The following SDHC variants were observed in gnomAD, a reference collection of about 807,000 sequenced individuals.
SDHC encodes succinate dehydrogenase complex subunit C, also known as succinate dehydrogenase cytochrome b560 subunit, mitochondrial.
A neutral mutation model predicts 22.6 loss-of-function variants in SDHC; 11 were observed. The observed-to-expected ratio is 0.49, with a 90% confidence interval of 0.31 to 0.81. SDHC has a LOEUF of 0.81. Among genes scored for constraint, SDHC ranks in the 30% least tolerant of loss-of-function variants. SDHC has a pLI of 0.05. For missense variants in SDHC, 160 were observed against 212.0 expected (o/e 0.75, Z 1.52); for synonymous variants, 80 against 77.8 (o/e 1.03, Z -0.15).
At chr1:161,351,057 G>C (rs1382689961) in intron 4 of SDHC, among the ~76,000 whole-genome samples, 1 of 152,184 alleles carries the variant, frequency 6.6e-6, no homozygotes, top group Non-Finnish European at 1.5e-5. Flanking sequence ...CCAAAGGAGA[G>C]AGGCATTGAA....
At chr1:161,328,200 C>T (rs1382081513) in intron 2 of SDHC, among the ~76,000 whole-genome samples, 196 bp from the exon 3 acceptor site, 1 of 152,072 alleles carries the variant, frequency 6.6e-6, no homozygotes, top group Non-Finnish European at 1.5e-5. Context: ...CGAGGTTTCT[C>T]CATGTTGGTC....
At position 161,362,565 on chromosome 1, in the gene SDHC, T is replaced by C. The variant is rs757026743; in HGVS notation, c.*132T>C. On this transcript the variant is annotated 3_prime_UTR_variant, in exon 6 of 6. Transcript: ENST00000367975. ...GATCCTTTTGTATTTTCAGATCTCC[T>C]TGGAGCAGTAGAGTACCTGGTAGAC... The C allele has an allele frequency of 5.0e-6, 8 of 1,608,358 alleles. No individual in the cohort carries two copies. The South Asian group carries it at 8.8e-5, about 18-fold the overall frequency.
chr1:161,319,758 GT>G lies in SDHC; in HGVS notation c.21-3852del, dbSNP rs761010029. Among the ~76,000 whole-genome samples the G allele has an allele frequency of 6.6e-4, 100 of 152,220 alleles. 1 individual carries two copies. Among genetic ancestry groups the G allele is most frequent in the Admixed American group, 2.2e-3 (34 of 15,286 alleles). On this transcript the variant is annotated intron_variant, in intron 1 of 5. Coordinates refer to ENST00000367975, the MANE Select transcript of SDHC (RefSeq NM_003001.5). ...TACCACGCCGGCCCTTAGGAATTGA[GT>G]TTTGAAGGATGAGTTTAACAGGCTC...
intron 4 of SDHC, among the ~76,000 whole-genome samples, chr1:161,353,185 T>C (rs752058353): frequency 2.2e-4 from 34 of 152,054 alleles, no homozygotes; most frequent in Admixed American, 5.9e-4. Context: ...CTCTCGTAGG[T>C]CATTTGAGAG....
intron 4 of SDHC, among the ~76,000 whole-genome samples, chr1:161,344,433 A>C (rs1464454437): frequency 2.6e-4 from 40 of 152,000 alleles, no homozygotes; most frequent in Admixed American, 2.6e-3. Flanking sequence ...CTCCAGCCTG[A>C]TGACAGCAAG....
chr1:161,328,570 C>A, intron 3 of SDHC, 73 bp downstream of exon 3: 2 of 1,051,182 alleles, frequency 1.9e-6, no homozygotes, highest in Non-Finnish European at 3.0e-6. Context: ...CTTTAGCCTA[C>A]TTGATACTTC....
At chr1:161,342,634 A>G (rs575590670) in intron 4 of SDHC, among the ~76,000 whole-genome samples, 1 of 151,728 alleles carries the variant, frequency 6.6e-6, no homozygotes, top group Non-Finnish European at 1.5e-5. Flanking sequence ...CTTCTGCCTC[A>G]ACCTCTCAAG....
chr1:161,335,835 A>G (rs74127632), intron 3 of SDHC, among the ~76,000 whole-genome samples: 14,753 of 152,152 alleles, frequency 0.097, 907 homozygotes, highest in East Asian at 0.21. Context: ...ATATATACAT[A>G]CATCTCTGTT....
At chr1:161,342,662 G>A (rs1008109107) in intron 4 of SDHC, among the ~76,000 whole-genome samples, 5 of 151,920 alleles carry the variant, frequency 3.3e-5, no homozygotes, top group South Asian at 2.1e-4. Context: ...GATTACAGGC[G>A]CCCACCACCA....
chr1:161,346,623 C>T (rs1671908770), intron 4 of SDHC, among the ~76,000 whole-genome samples: 1 of 152,110 alleles, frequency 6.6e-6, no homozygotes, highest in African/African-American at 2.4e-5. Flanking sequence ...GTCTCGAACT[C>T]CGGACCTCAG....
At chr1:161,327,808 C>A (rs1671116620) in intron 2 of SDHC, among the ~76,000 whole-genome samples, 1 of 152,034 alleles carries the variant, frequency 6.6e-6, no homozygotes, top group Non-Finnish European at 1.5e-5. Context: ...ATGATCCACC[C>A]ACCTCGATCT....
chr1:161,315,699 G>A lies in SDHC; in HGVS notation c.20+1274G>A, dbSNP rs1054525081. On this transcript the variant is annotated intron_variant, in intron 1 of 5. Coordinates refer to ENST00000367975, the MANE Select transcript of SDHC (RefSeq NM_003001.5). The stretch of plus-strand genomic sequence containing the variant: ...ACAGTATCATTTTGAGTTGTGCAGC[G>A]CTGTCCACTGAAGGGATGGGTCGCC... Among the ~76,000 whole-genome samples, 62 of 152,092 alleles carry A rather than the reference G, an allele frequency of 4.1e-4. 1 individual carries two copies. Among genetic ancestry groups the A allele is most frequent in the African/African-American group, 4.1e-4 (17 of 41,428 alleles).
At chr1:161,343,047 C>A (rs1047026878) in intron 4 of SDHC, among the ~76,000 whole-genome samples, 5 of 152,220 alleles carry the variant, frequency 3.3e-5, no homozygotes, top group African/African-American at 1.2e-4. Context: ...AGATGGCAAC[C>A]TTCAGGTCCT....
chr1:161,342,443 G>C (rs1671752653), intron 4 of SDHC, among the ~76,000 whole-genome samples: 2 of 152,034 alleles, frequency 1.3e-5, no homozygotes, highest in African/African-American at 4.8e-5. Context: ...TTATGACTTA[G>C]AACAGTGTGT....
At chr1:161,330,736 A>C (rs73024038) in intron 3 of SDHC, among the ~76,000 whole-genome samples, 1 of 152,154 alleles carries the variant, frequency 6.6e-6, no homozygotes, top group African/African-American at 2.4e-5. Flanking sequence ...GCGATGGCTC[A>C]CATCTGTAAT....
intron 1 of SDHC, among the ~76,000 whole-genome samples, chr1:161,318,360 A>G (rs951245235): frequency 1.3e-5 from 2 of 152,144 alleles, no homozygotes; most frequent in Non-Finnish European, 2.9e-5. Context: ...TTTTGAATAT[A>G]TGCTCTCTAT....
At chr1:161,320,649 A>G (rs990225603) in intron 1 of SDHC, among the ~76,000 whole-genome samples, 4 of 152,112 alleles carry the variant, frequency 2.6e-5, no homozygotes, top group African/African-American at 9.7e-5. Context: ...GACCAGTGAT[A>G]ATATGTTACA....
chr1:161,344,483 GT>G (rs1227915272), intron 4 of SDHC, among the ~76,000 whole-genome samples: 1 of 151,344 alleles, frequency 6.6e-6, no homozygotes, highest in African/African-American at 2.4e-5. Context: ...GAAAAAAGTT[GT>G]TTTTTTTCTG....
intron 5 of SDHC, 150 bp from the exon 6 acceptor site, chr1:161,362,179 A>G (rs933611265): frequency 2.2e-6 from 2 of 906,946 alleles, no homozygotes; most frequent in African/African-American, 1.7e-5. Context: ...TGAGAAGGGT[A>G]AAGGTGGGGC....
Sources: allele counts gnomAD v4.1 joint callset (sites outside exome capture counted in the v4.1 genomes callset), GRCh38; gene constraint gnomAD v4.1.1; transcripts MANE v1.5; gene names NCBI Gene and HGNC (gene_info 2026-07-23, HGNC 2026-07-21).